Variants in GRTP1 observed in about 807,000 individuals in gnomAD.
GRTP1 encodes growth hormone regulated TBC protein 1.
Under a neutral mutation model 38.1 loss-of-function variants are expected in GRTP1, and 56 were observed. The ratio of observed to expected loss-of-function variants is 1.47; its 90% CI spans 1.19 to 1.84. GRTP1 has a LOEUF of 1.84. Among genes scored for constraint, GRTP1 ranks in the 40% most tolerant of loss-of-function variants. The probability of loss-of-function intolerance (pLI) is 0.00; values close to 1 mark genes in which losing one functional copy is unlikely to be tolerated. For synonymous variants in GRTP1, 217 were observed against 189.5 expected, an observed-to-expected ratio of 1.14 and a Z score of -1.19; for missense variants, 506 against 453.9, an observed-to-expected ratio of 1.11 and a Z score of -1.04.
At position 113,324,895 on chromosome 13, in the gene GRTP1, C is replaced by T. The variant is rs370327533; in HGVS notation, c.922-318G>A. 3.4e-5 allele frequency: 26 copies of T among 765,512 alleles called. 1 individual carries two copies. The highest frequency in any genetic ancestry group is 1.7e-4 in the South Asian group (4 of 23,132). The allele number at this position is 765,512 out of a possible 1,614,324, so 47.4% of individuals were successfully genotyped here. ...AGGCTGGAGTGCAGTGGCGCGATCT[C>T]GGCTCACTGCAACCTCCGCCTCCCA... On this transcript the variant is annotated intron_variant, in intron 7 of 7. Transcript: ENST00000375431.
In GRTP1 at chr13:113,324,523, C is replaced by A; in HGVS notation, c.976G>T (p.Glu326Ter). 1 of 1,611,762 alleles carries A rather than the reference C, an allele frequency of 6.2e-7. No individual in the cohort carries two copies. Residue 326 changes from glutamate (E) to a stop codon, truncating the protein, a stop_gained, in exon 8 of 8, where the codon GAG (glutamate) becomes TAG (stop). Coordinates refer to ENST00000375431, the MANE Select transcript of GRTP1 (RefSeq NM_024719.4). LOFTEE classifies it high-confidence loss of function. ...LSMATVAKLR[E>*]SCRARLLAQG ...GCCAGCAGCCGGGCCCTGCAGCTCT[C>A]GCGGAGCTTGGCGACGGTGGCCATG...
In GRTP1 at chr13:113,342,119, T is replaced by G. The variant is rs527612427; in HGVS notation, c.562+2744A>C. On this transcript the variant is annotated intron_variant, in intron 5 of 7. Transcript: ENST00000375431. The surrounding 1 kb of genome is among the most constrained non-coding windows in gnomAD (Gnocchi z 4.5). ...CACCACACCTGTCTAATTTTTGTAT[T>G]TTTAGTGGAGGTGGGGTTTTGCCAT... Among the ~76,000 whole-genome samples the G allele has an allele frequency of 2.0e-5, 3 of 152,228 alleles. No homozygotes were observed. The South Asian group carries it at 6.2e-4, about 32-fold the overall frequency.
At chr13:113,330,714 G>A (rs61966575) in intron 5 of GRTP1, among the ~76,000 whole-genome samples, 419 of 530 alleles carry the variant, frequency 0.79, 170 homozygotes, top group East Asian at 1. Flanking sequence ...ATGGAAACCC[G>A]GGTGTGTGCA....
chr13:113,334,956 G>C (rs537269451), intron 5 of GRTP1, among the ~76,000 whole-genome samples: 8 of 152,006 alleles, frequency 5.3e-5, no homozygotes, highest in Non-Finnish European at 7.4e-5. Flanking sequence ...CCGAGTAGCT[G>C]GGACTACAGG....
chr13:113,344,454 C>G (rs1225768242), intron 5 of GRTP1, among the ~76,000 whole-genome samples: 1 of 152,210 alleles, frequency 6.6e-6, no homozygotes, highest in Non-Finnish European at 1.5e-5. Context: ...TGGCTCATGC[C>G]TGTAATCCCA....
In GRTP1 at chr13:113,348,844, G is replaced by A. The variant is rs527899855; in HGVS notation, c.465+2005C>T. On this transcript the variant is annotated intron_variant, in intron 4 of 7. Transcript: ENST00000375431. The surrounding 1 kb of genome is among the most constrained non-coding windows in gnomAD (Gnocchi z 4.8). ...CGACCTCACCTGCCCCGCAGATGCC[G>A]CGACCTCTGATGCACAGCTTCCAGA... Among the ~76,000 whole-genome samples, 70 of 152,292 alleles carry A rather than the reference G, an allele frequency of 4.6e-4. No individual in the cohort carries two copies. The highest frequency in any genetic ancestry group is 1.5e-3 in the African/African-American group (63 of 41,562).
chr13:113,340,832 T>C (rs780617598), intron 5 of GRTP1, among the ~76,000 whole-genome samples: 14 of 151,952 alleles, frequency 9.2e-5, no homozygotes, highest in Non-Finnish European at 1.6e-4. Flanking sequence ...AAGCAGGAGT[T>C]ACCTGTTCCT....
chr13:113,362,207 G>A (rs1157476018), intron 2 of GRTP1, among the ~76,000 whole-genome samples: 1 of 130,604 alleles, frequency 7.7e-6, no homozygotes, highest in Non-Finnish European at 1.7e-5. Context: ...GTGTGCACCT[G>A]TAATCCCAGC....
intron 3 of GRTP1, among the ~76,000 whole-genome samples, chr13:113,354,550 T>C (rs2043344554): frequency 1.3e-5 from 2 of 151,586 alleles, no homozygotes; most frequent in South Asian, 4.2e-4. Flanking sequence ...TTTTTTGAGA[T>C]GGAGTTTCAC....
At chr13:113,361,565 C>T (rs570770204) in intron 2 of GRTP1, 1 of 152,300 alleles carries the variant, frequency 6.6e-6, no homozygotes, top group African/African-American at 2.4e-5. Flanking sequence ...TCAGATTCTC[C>T]GCTGTAACCA....
intron 5 of GRTP1, among the ~76,000 whole-genome samples, chr13:113,338,605 C>T (rs1438921724): frequency 5.3e-5 from 8 of 152,154 alleles, no homozygotes; most frequent in African/African-American, 1.9e-4. Context: ...CCACCAGTCT[C>T]GGCCTCCTCC....
intron 5 of GRTP1, among the ~76,000 whole-genome samples, chr13:113,336,167 C>T (rs188339242): frequency 3.3e-5 from 5 of 152,250 alleles, no homozygotes; most frequent in East Asian, 1.9e-4. Context: ...CATCCATCTG[C>T]GGTCAGACAC....
intron 5 of GRTP1, among the ~76,000 whole-genome samples, chr13:113,328,904 A>G (rs770252815): frequency 5.9e-5 from 9 of 151,994 alleles, no homozygotes; most frequent in Middle Eastern, 7.1e-3. Flanking sequence ...AATTTTCCTG[A>G]TTCCCTTCCC....
intron 5 of GRTP1, among the ~76,000 whole-genome samples, chr13:113,329,691 T>TC (rs1377536644): frequency 1.3e-5 from 2 of 152,224 alleles, no homozygotes; most frequent in African/African-American, 4.8e-5. Context: ...TACAAAGCAC[T>TC]CCAAGTGTTT....
At chr13:113,326,195 C>T (rs2042765998) in intron 5 of GRTP1, 104 bp from the exon 6 acceptor site, 3 of 1,407,568 alleles carry the variant, frequency 2.1e-6, no homozygotes, top group South Asian at 2.6e-5. Context: ...CCTGGGAGGA[C>T]CCCTCCCAAG....
Position 113,352,330 on chromosome 13 carries a change from ATATATTT to A in GRTP1, c.341-1364_341-1358del, listed in dbSNP as rs1245552063. ...ATATATATTTTATATATATTTTTAT[ATATATTT>A]TATATATATATTTATATATATTTTA... On this transcript the variant is annotated intron_variant, in intron 3 of 7. Coordinates refer to ENST00000375431, the MANE Select transcript of GRTP1 (RefSeq NM_024719.4). Among the ~76,000 whole-genome samples the A allele has an allele frequency of 1.2e-3, 132 of 112,924 alleles. 1 individual carries two copies. Among genetic ancestry groups the A allele is most frequent in the African/African-American group, 4.2e-3 (121 of 28,832 alleles). The allele number at this position is 112,924 out of a possible 152,430, so 74.1% of individuals were successfully genotyped here. A position where few individuals can be genotyped will look rare whatever the true frequency, so the allele number is the denominator to read the frequency against.
intron 4 of GRTP1, among the ~76,000 whole-genome samples, chr13:113,350,492 ATGGTGCACATGCCTTC>A (rs1450688624): frequency 6.0e-5 from 6 of 99,814 alleles, no homozygotes; most frequent in African/African-American, 8.2e-5. Flanking sequence ...CACACACCCC[ATGGTGCACATGCCTTC>A]CAGCATACAC....
rs139477707 is a variant in GRTP1, at chr13:113,348,281, G to A, written c.465+2568C>T. ...AGCCTGGGCAATGTGGCAAAACCCC[G>A]ATCTCTACAAAACATACAAAAATTA... On this transcript the variant is annotated intron_variant, in intron 4 of 7. Coordinates refer to ENST00000375431, the MANE Select transcript of GRTP1 (RefSeq NM_024719.4). The surrounding 1 kb of genome is among the most constrained non-coding windows in gnomAD (Gnocchi z 4.8). 6.5e-4 allele frequency among the ~76,000 whole-genome samples: 99 copies of A among 152,162 alleles called. No homozygotes were observed. Among genetic ancestry groups the A allele is most frequent in the African/African-American group, 2.0e-3 (83 of 41,512 alleles).
chr13:113,335,773 T>C (rs981393284), intron 5 of GRTP1, among the ~76,000 whole-genome samples: 2 of 3,954 alleles, frequency 5.1e-4, no homozygotes, highest in Admixed American at 2.6e-3. Context: ...GTTCCCTCCA[T>C]GCTGCTGAAA....
Sources: gnomAD v4.1 joint callset for allele counts (sites outside exome capture counted in the v4.1 genomes callset) on GRCh38, gnomAD v4.1.1 for gene constraint, Gnocchi (gnomAD v3.1) non-coding constraint, MANE v1.5 for transcripts, NCBI Gene and HGNC (gene_info 2026-07-23, HGNC 2026-07-21) for gene names.